The following CSMD1 variants were observed in gnomAD, a reference collection of about 807,000 sequenced individuals.
CSMD1 encodes CUB and Sushi multiple domains 1.
In CSMD1, 213 loss-of-function variants were observed where a neutral mutation model predicts 417.5. That is an observed-to-expected ratio of 0.51 (90% confidence interval 0.46 to 0.57). CSMD1 has a LOEUF of 0.57. Ranked by LOEUF, CSMD1 falls within the 20% of genes least tolerant of loss-of-function variation. The pLI, the probability that CSMD1 is intolerant of heterozygous loss-of-function variation, is 0.00. For missense variants in CSMD1, 6,923 were observed against 4,529.7 expected, an observed-to-expected ratio of 1.53 and a Z score of -15.17; for synonymous variants, 2,862 against 1,736.8, an observed-to-expected ratio of 1.65 and a Z score of -16.11.
At chr8:4,968,627 C>G (rs1310375589) in intron 1 of CSMD1, among the ~76,000 whole-genome samples, 1 of 152,120 alleles carries the variant, frequency 6.6e-6, no homozygotes, top group Non-Finnish European at 1.5e-5. Flanking sequence ...TCCCTCAGTG[C>G]TGATTTCAAA....
At chr8:4,542,861 T>C (rs1028680015) in intron 2 of CSMD1, among the ~76,000 whole-genome samples, 38 of 152,310 alleles carry the variant, frequency 2.5e-4, no homozygotes, top group African/African-American at 8.9e-4. Context: ...TTTTTCACAG[T>C]ATATTTCTAT....
intron 6 of CSMD1, among the ~76,000 whole-genome samples, chr8:3,749,180 T>G (rs2129052653): frequency 6.6e-6 from 1 of 152,316 alleles, no homozygotes; most frequent in African/African-American, 2.4e-5. Context: ...ACTTATTTAA[T>G]TATAATTAAT....
At chr8:4,313,839 C>G (rs542294675) in intron 3 of CSMD1, among the ~76,000 whole-genome samples, 1 of 151,872 alleles carries the variant, frequency 6.6e-6, no homozygotes, top group Non-Finnish European at 1.5e-5. Context: ...TATGGTGAAA[C>G]CTCATCTCTA....
At chr8:3,905,534 G>C (rs909674792) in intron 5 of CSMD1, among the ~76,000 whole-genome samples, 3 of 152,196 alleles carry the variant, frequency 2.0e-5, no homozygotes, top group South Asian at 2.1e-4. Flanking sequence ...TCAACATTCA[G>C]CATGCATTCC....
intron 18 of CSMD1, among the ~76,000 whole-genome samples, chr8:3,376,385 G>C (rs1354094219): frequency 2.0e-5 from 3 of 151,912 alleles, no homozygotes; most frequent in African/African-American, 4.8e-5. Flanking sequence ...ATATCTCATG[G>C]TGACACAGAC....
intron 3 of CSMD1, among the ~76,000 whole-genome samples, chr8:4,197,450 TG>T (rs1221934524): frequency 2.6e-5 from 4 of 152,182 alleles, no homozygotes; most frequent in African/African-American, 9.7e-5. Context: ...GTAATGTAGG[TG>T]GGCCCCGTTT....
intron 3 of CSMD1, among the ~76,000 whole-genome samples, chr8:4,325,186 A>G (rs73660747): frequency 1.3e-5 from 2 of 152,164 alleles, no homozygotes; most frequent in Non-Finnish European, 2.9e-5. Flanking sequence ...ATAACAAAGG[A>G]AACTGTCATG....
intron 2 of CSMD1, among the ~76,000 whole-genome samples, chr8:4,526,312 T>C (rs1032546276): frequency 1.3e-5 from 2 of 152,212 alleles, no homozygotes; most frequent in African/African-American, 4.8e-5. Flanking sequence ...TGTATTAATG[T>C]CAGAAATACT....
rs73658265 is a variant in CSMD1, at chr8:3,785,092, T to A, written c.819-31050A>T. On this transcript the variant is annotated intron_variant, in intron 5 of 69. Transcript: ENST00000635120. ...TAGCATAGTGGACTTTGGGTCAAGA[T>A]TGACTGAATTTGAATCCTGGTCCTA... Among the ~76,000 whole-genome samples the A allele has an allele frequency of 2.0e-5, 3 of 152,130 alleles. 1 individual carries two copies. Among genetic ancestry groups the A allele is most frequent in the Admixed American group, 2.0e-4 (3 of 15,290 alleles).
chr8:4,807,846 A>G (rs1443598818), intron 1 of CSMD1, among the ~76,000 whole-genome samples: 1 of 152,182 alleles, frequency 6.6e-6, no homozygotes, highest in Non-Finnish European at 1.5e-5. Flanking sequence ...AAGCTATGTT[A>G]TTGTTAATAT....
intron 3 of CSMD1, among the ~76,000 whole-genome samples, chr8:4,119,454 C>A (rs557584613): frequency 2.0e-5 from 3 of 152,148 alleles, no homozygotes; most frequent in African/African-American, 7.2e-5. Context: ...GACTGAATAT[C>A]TGTGTCAGCC....
At chr8:3,891,845 A>T (rs1280789026) in intron 5 of CSMD1, among the ~76,000 whole-genome samples, 1 of 152,148 alleles carries the variant, frequency 6.6e-6, no homozygotes, top group African/African-American at 2.4e-5. Context: ...ATGGTAATCC[A>T]TTAAAGCTTG....
chr8:4,951,280 C>A (rs577876349), intron 1 of CSMD1, among the ~76,000 whole-genome samples: 5 of 152,118 alleles, frequency 3.3e-5, no homozygotes, highest in African/African-American at 1.2e-4. Flanking sequence ...TAGTCTCTGC[C>A]TGAAATTGTT....
At chr8:3,950,100 A>G (rs1811505295) in intron 5 of CSMD1, 1 of 430,274 alleles carries the variant, frequency 2.3e-6, no homozygotes, top group Admixed American at 2.5e-5. Flanking sequence ...CTTAAAGGCA[A>G]TGATAATAAT....
intron 3 of CSMD1, among the ~76,000 whole-genome samples, chr8:4,124,923 G>C (rs1469068971): frequency 1.3e-5 from 2 of 152,092 alleles, no homozygotes; most frequent in African/African-American, 4.8e-5. Flanking sequence ...AGACACCCAA[G>C]CCAGAAACAG....
chr8:3,926,661 C>T lies in CSMD1; in HGVS notation c.818+71242G>A, dbSNP rs573641270. Among the ~76,000 whole-genome samples, 65 of 145,288 alleles carry T rather than the reference C, an allele frequency of 4.5e-4. 1 individual carries two copies. The highest frequency in any genetic ancestry group is 1.6e-3 in the African/African-American group (62 of 39,604). ...ATTAGAAACAATTAATTGACCTATACTTTTATGTGAAACACATTTGAAAAC... is the reference window on the plus strand; with the variant it reads ...ATTAGAAACAATTAATTGACCTATATTTTTATGTGAAACACATTTGAAAAC... On this transcript the variant is annotated intron_variant, in intron 5 of 69. Coordinates refer to ENST00000635120, the MANE Select transcript of CSMD1 (RefSeq NM_033225.6).
intron 5 of CSMD1, among the ~76,000 whole-genome samples, chr8:3,899,800 T>C (rs370598009): frequency 9.9e-5 from 15 of 152,188 alleles, no homozygotes; most frequent in African/African-American, 3.6e-4. Flanking sequence ...AAGGTGACAG[T>C]GGATAGCACC....
intron 6 of CSMD1, among the ~76,000 whole-genome samples, chr8:3,745,048 A>G (rs1584935637): frequency 6.6e-6 from 1 of 152,324 alleles, no homozygotes; most frequent in Admixed American, 6.5e-5. Flanking sequence ...TCTGATGCAA[A>G]TAATTCAACA....
intron 27 of CSMD1, 90 bp from the exon 28 acceptor site, chr8:3,223,957 A>G: frequency 4.6e-6 from 6 of 1,313,030 alleles, no homozygotes; most frequent in Non-Finnish European, 6.3e-6. Flanking sequence ...AGAATTCTTT[A>G]AGAAAAAGAC....
Sources: gnomAD v4.1 joint callset for allele counts (sites outside exome capture counted in the v4.1 genomes callset) on GRCh38, gnomAD v4.1.1 for gene constraint, MANE v1.5 for transcripts, NCBI Gene and HGNC (gene_info 2026-07-23, HGNC 2026-07-21) for gene names.